Variants in TAAR5 observed in about 807,000 individuals in gnomAD.
TAAR5 encodes trace amine-associated receptor 5.
Under a neutral mutation model 21.1 loss-of-function variants are expected in TAAR5, and 27 were observed. The ratio of observed to expected loss-of-function variants is 1.28; its 90% CI spans 0.94 to 1.76. The LOEUF is 1.76. Among genes scored for constraint, TAAR5 ranks in the 40% most tolerant of loss-of-function variants. The pLI, the probability that TAAR5 is intolerant of heterozygous loss-of-function variation, is 0.00. For missense variants in TAAR5, 495 were observed against 405.6 expected (o/e 1.22, Z -1.89); for synonymous variants, 203 against 167.5 (o/e 1.21, Z -1.64).
At chr6:132,611,517 T>A in the TAAR5 span, among the ~76,000 whole-genome samples, 306 of 152,300 alleles carry the variant, frequency 2.0e-3, 2 homozygotes, top group African/African-American at 7.2e-3. Context: ...CATTACACAT[T>A]GTATGCCTGT....
At chr6:132,608,526 G>T in the TAAR5 span, 2 of 455,176 alleles carry the variant, frequency 4.4e-6, no homozygotes, top group Non-Finnish European at 8.8e-6. Flanking sequence ...CTGCTTTCCT[G>T]TCCTTTTTCT....
the TAAR5 span, among the ~76,000 whole-genome samples, chr6:132,597,039 T>A: frequency 5.9e-5 from 9 of 152,122 alleles, no homozygotes. Context: ...AATAAAGCAT[T>A]CCCCATACAA....
chr6:132,592,709 C>T (rs116624721), upstream of TAAR5, among the ~76,000 whole-genome samples: 400 of 152,328 alleles, frequency 2.6e-3, 4 homozygotes, highest in African/African-American at 9.2e-3. Flanking sequence ...TAAGATGTGC[C>T]TGCTTTCCCT....
upstream of TAAR5, among the ~76,000 whole-genome samples, chr6:132,593,104 T>C (rs1057370343): frequency 6.6e-6 from 1 of 152,190 alleles, no homozygotes; most frequent in Non-Finnish European, 1.5e-5. Flanking sequence ...CTAACTCCAC[T>C]TCCCCAGCTT....
chr6:132,597,705 C>T, the TAAR5 span, among the ~76,000 whole-genome samples: 2 of 152,100 alleles, frequency 1.3e-5, no homozygotes, highest in African/African-American at 4.8e-5. Context: ...AAATTAATTA[C>T]AGCATTGCAA....
At chr6:132,611,504 G>A in the TAAR5 span, among the ~76,000 whole-genome samples, 2 of 152,272 alleles carry the variant, frequency 1.3e-5, no homozygotes, top group East Asian at 3.9e-4. Context: ...ACTCTGGTTT[G>A]ACCATTACAC....
the TAAR5 span, among the ~76,000 whole-genome samples, chr6:132,610,187 G>T: frequency 0.065 from 9,825 of 152,188 alleles, 533 homozygotes; most frequent in African/African-American, 0.14. Flanking sequence ...TCCAATAAAT[G>T]GTCACGCTTG....
the TAAR5 span, among the ~76,000 whole-genome samples, chr6:132,600,810 AAGGAAGGAGGGAGG>A: frequency 7.0e-6 from 1 of 143,470 alleles, no homozygotes; most frequent in African/African-American, 2.6e-5. Flanking sequence ...GGAAGGAAGG[AAGGAAGGAGGGAGG>A]GAAGGAAGGA....
At chr6:132,613,212 C>T in the TAAR5 span, among the ~76,000 whole-genome samples, 10 of 152,308 alleles carry the variant, frequency 6.6e-5, no homozygotes, top group South Asian at 1.9e-3. Context: ...CAATGAGGCT[C>T]ACAATAACCA....
chr6:132,605,588 A>C, the TAAR5 span, among the ~76,000 whole-genome samples: 1 of 152,156 alleles, frequency 6.6e-6, no homozygotes, highest in African/African-American at 2.4e-5. Flanking sequence ...CTGCTTCCAG[A>C]GTAATGCATG....
chr6:132,594,309 C>T (rs1203239400), upstream of TAAR5: 1 of 152,086 alleles, frequency 6.6e-6, no homozygotes, highest in African/African-American at 2.4e-5. Context: ...CTTATCTGGT[C>T]AATTCATGCC....
the TAAR5 span, chr6:132,608,619 G>A: frequency 2.2e-6 from 1 of 455,940 alleles, no homozygotes; most frequent in Non-Finnish European, 4.4e-6. Flanking sequence ...AAACGATAAA[G>A]ATTTTGCCAT....
upstream of TAAR5, among the ~76,000 whole-genome samples, chr6:132,590,538 G>T (rs1019623407): frequency 6.6e-5 from 10 of 152,138 alleles, no homozygotes; most frequent in Non-Finnish European, 1.5e-5. Flanking sequence ...ATGTTTCTTG[G>T]AGCAGGTGGA....
chr6:132,613,792 T>C, the TAAR5 span, among the ~76,000 whole-genome samples: 3 of 152,180 alleles, frequency 2.0e-5, no homozygotes, highest in Admixed American at 6.5e-5. Context: ...TAACTTGTAG[T>C]AGACTACAAT....
At chr6:132,609,345 C>G in the TAAR5 span, 1 of 224,628 alleles carries the variant, frequency 4.5e-6, no homozygotes, top group East Asian at 1.1e-4. Flanking sequence ...TAAAATGATT[C>G]CAGTAAATTT....
upstream of TAAR5, among the ~76,000 whole-genome samples, chr6:132,591,801 T>C (rs1582727690): frequency 2.6e-5 from 4 of 152,358 alleles, no homozygotes; most frequent in Middle Eastern, 6.8e-3. Flanking sequence ...ATGTAATATG[T>C]AACACAATTG....
Position 132,589,281 on chromosome 6 carries a change from T to C in TAAR5, c.406A>G (p.Ile136Val), listed in dbSNP as rs1776864675. The change falls in exon 1 of 1, where the codon ATC (isoleucine) becomes GTC (valine). Residue 136 changes from isoleucine to valine, a missense_variant. Ile to Val is a conservative substitution (Grantham distance 29). Coordinates refer to ENST00000258034, the MANE Select transcript of TAAR5 (RefSeq NM_003967.3). ...CFISIDRHCA[I>V]CDPLLYPSKF... ...GAGGGATAGAGCAGGGGGTCACAGA[T>C]GGCACAGTGGCGGTCAATGGAAATG... is the stretch of plus-strand genomic sequence containing the variant. The C allele has an allele frequency of 6.2e-7, 1 of 1,611,786 alleles. No individual in the cohort carries two copies. Among genetic ancestry groups the C allele is most frequent in the Non-Finnish European group, 8.5e-7 (1 of 1,178,810 alleles).
At chr6:132,601,567 C>T in the TAAR5 span, among the ~76,000 whole-genome samples, 1 of 152,208 alleles carries the variant, frequency 6.6e-6, no homozygotes, top group Non-Finnish European at 1.5e-5. Context: ...ACGGTATTTA[C>T]TGATGCATTC....
the TAAR5 span, among the ~76,000 whole-genome samples, chr6:132,616,327 A>G: frequency 6.6e-6 from 1 of 152,234 alleles, no homozygotes; most frequent in Non-Finnish European, 1.5e-5. Flanking sequence ...AAATACATGT[A>G]TAAATATCAA....
Sources: gnomAD v4.1 joint callset for allele counts (sites outside exome capture counted in the v4.1 genomes callset) on GRCh38, gnomAD v4.1.1 for gene constraint, MANE v1.5 for transcripts, NCBI Gene and HGNC (gene_info 2026-07-23, HGNC 2026-07-21) for gene names.